GRID1: variants seen among roughly 807,000 people sequenced by gnomAD.
GRID1 encodes the protein glutamate receptor ionotropic, delta-1.
In GRID1, 28 loss-of-function variants were observed where a neutral mutation model predicts 98.0. That is an observed-to-expected ratio of 0.29 (90% CI 0.21 to 0.39). The LOEUF (loss-of-function observed/expected upper bound fraction) is 0.39, where lower values mean the gene tolerates loss of function less well. Among genes scored for constraint, GRID1 ranks in the 10% least tolerant of loss-of-function variants. The pLI is 1.00. For synonymous variants in GRID1, 553 were observed against 538.5 expected, an observed-to-expected ratio of 1.03 and a Z score of -0.37; for missense variants, 1,111 against 1,340.5, an observed-to-expected ratio of 0.83 and a Z score of 2.67.
chr10:86,244,004 A>G (rs1288520914), intron 2 of GRID1, among the ~76,000 whole-genome samples: 2 of 152,184 alleles, frequency 1.3e-5, no homozygotes, highest in Non-Finnish European at 2.9e-5. Context: ...GTGTACACAT[A>G]TATACATACA....
At chr10:86,349,721 C>G (rs1052650028) in intron 2 of GRID1, among the ~76,000 whole-genome samples, 1 of 152,158 alleles carries the variant, frequency 6.6e-6, no homozygotes, top group Non-Finnish European at 1.5e-5. Context: ...GAAAGAACAC[C>G]GGACAAGGAG....
At chr10:85,645,122 T>A (rs1319328067) in intron 13 of GRID1, among the ~76,000 whole-genome samples, 1 of 152,204 alleles carries the variant, frequency 6.6e-6, no homozygotes, top group Non-Finnish European at 1.5e-5. Flanking sequence ...TTGTAATGAA[T>A]AGAACTTTAA....
Position 86,255,830 on chromosome 10 carries a change from C to T in GRID1, c.236-49182G>A, listed in dbSNP as rs150673304. On this transcript the variant is annotated intron_variant, in intron 2 of 15. Transcript: ENST00000327946. Reference sequence around the variant, plus strand: ...ACTTGAGCAGGAGCCCCAGGGGCCTCGCCTGGGCTGCCCAGCTCCACACAC... The same window carrying T: ...ACTTGAGCAGGAGCCCCAGGGGCCTTGCCTGGGCTGCCCAGCTCCACACAC... Among the ~76,000 whole-genome samples the T allele has an allele frequency of 6.9e-4, 105 of 152,222 alleles. 1 individual carries two copies. Among genetic ancestry groups the T allele is most frequent in the African/African-American group, 2.2e-3 (90 of 41,512 alleles).
At chr10:86,058,627 C>T (rs903246206) in intron 4 of GRID1, among the ~76,000 whole-genome samples, 28 of 152,204 alleles carry the variant, frequency 1.8e-4, no homozygotes, top group African/African-American at 6.8e-4. Flanking sequence ...CAGAAACTGA[C>T]ATCTGCCAGA....
At chr10:86,253,448 G>A (rs774807878) in intron 2 of GRID1, among the ~76,000 whole-genome samples, 19 of 152,220 alleles carry the variant, frequency 1.2e-4, no homozygotes, top group Non-Finnish European at 2.6e-4. Context: ...GCTTCCTGGG[G>A]CCATCGTTCT....
rs541526831 is a variant in GRID1, at chr10:85,704,897, A to T, written c.1997+18106T>A. Reference sequence around the variant, plus strand: ...GGGTACATAACGAAAGGAAGGCAGAAATAAAGATGTTCTTTGAAACCAGTG... The same window carrying T: ...GGGTACATAACGAAAGGAAGGCAGATATAAAGATGTTCTTTGAAACCAGTG... On this transcript the variant is annotated intron_variant, in intron 12 of 15. Transcript: ENST00000327946. Among the ~76,000 whole-genome samples the T allele has an allele frequency of 1.6e-3, 247 of 152,370 alleles. 6 individuals carry two copies. The South Asian group carries it at 0.048, about 30-fold the overall frequency.
intron 8 of GRID1, among the ~76,000 whole-genome samples, chr10:85,835,657 C>A (rs1166884905): frequency 2.0e-5 from 3 of 152,172 alleles, no homozygotes. Context: ...AGTGTGAGAA[C>A]AGACTAATAC....
intron 8 of GRID1, among the ~76,000 whole-genome samples, chr10:85,732,619 T>C (rs552735444): frequency 7.1e-4 from 108 of 152,286 alleles, no homozygotes; most frequent in African/African-American, 2.5e-3. Flanking sequence ...TCAGTCCCCC[T>C]AGACCTTTGC....
rs193009016 is a variant in GRID1 at position 85,876,316 on chromosome 10, C to T, written c.781-7136G>A. Among the ~76,000 whole-genome samples the T allele has an allele frequency of 2.6e-4, 39 of 151,974 alleles. 1 individual carries two copies. The highest frequency in any genetic ancestry group is 4.7e-4 in the Non-Finnish European group (32 of 67,968). On this transcript the variant is annotated intron_variant, in intron 5 of 15. Transcript: ENST00000327946. ...CTCACTTCTTCCAGCTTCTGGTGGC[C>T]GTCAGCATTCCCTGGCTTGTAGCTG... is the stretch of plus-strand genomic sequence containing the variant.
At chr10:86,008,904 G>A (rs1057115819) in intron 4 of GRID1, among the ~76,000 whole-genome samples, 3 of 152,142 alleles carry the variant, frequency 2.0e-5, no homozygotes, top group African/African-American at 4.8e-5. Context: ...ACAGCAGGAA[G>A]CAGCACAAAA....
At chr10:86,226,822 G>A (rs958640838) in intron 2 of GRID1, among the ~76,000 whole-genome samples, 4 of 150,832 alleles carry the variant, frequency 2.7e-5, no homozygotes, top group African/African-American at 9.8e-5. Context: ...ACCAGCTGGC[G>A]GTCCTCCCTG....
intron 2 of GRID1, among the ~76,000 whole-genome samples, chr10:86,333,940 G>T (rs975925943): frequency 6.6e-6 from 1 of 152,132 alleles, no homozygotes; most frequent in Non-Finnish European, 1.5e-5. Flanking sequence ...CTGTTTAAGG[G>T]TCAACTGCAT....
chr10:86,336,731 C>A (rs1355560466), intron 2 of GRID1, among the ~76,000 whole-genome samples: 2 of 152,196 alleles, frequency 1.3e-5, no homozygotes, highest in Non-Finnish European at 2.9e-5. Context: ...GACCTGGCTC[C>A]ATGGGAACAT....
intron 2 of GRID1, among the ~76,000 whole-genome samples, chr10:86,258,769 C>T (rs1333200950): frequency 6.6e-6 from 1 of 152,072 alleles, no homozygotes. Flanking sequence ...CAATCTACTC[C>T]ACATATCCAG....
chr10:85,759,396 C>G (rs527361123), intron 8 of GRID1, among the ~76,000 whole-genome samples: 13 of 152,252 alleles, frequency 8.5e-5, no homozygotes, highest in Non-Finnish European at 1.6e-4. Context: ...TGGGAAAAGA[C>G]CTGGAGCCCC....
intron 2 of GRID1, among the ~76,000 whole-genome samples, chr10:86,359,662 T>A (rs1165456408): frequency 2.0e-5 from 3 of 152,246 alleles, no homozygotes; most frequent in Non-Finnish European, 4.4e-5. Context: ...CAGGTATATC[T>A]ACAGCATATC....
chr10:85,729,437 C>CA, intron 9 of GRID1, 76 bp downstream of exon 9: 1 of 800,756 alleles, frequency 1.2e-6, no homozygotes, highest in South Asian at 1.6e-5. Flanking sequence ...CCAAACCCAG[C>CA]ATTAAACAGA....
chr10:85,770,090 C>T (rs529223409), intron 8 of GRID1, among the ~76,000 whole-genome samples: 1 of 152,222 alleles, frequency 6.6e-6, no homozygotes, highest in Non-Finnish European at 1.5e-5. Context: ...TAGGGGCAGA[C>T]TGACACCTCA....
chr10:85,885,442 T>G (rs1371189122), intron 5 of GRID1, among the ~76,000 whole-genome samples: 1 of 152,192 alleles, frequency 6.6e-6, no homozygotes, highest in East Asian at 1.9e-4. Context: ...ATAGACTATA[T>G]TGGATTTTCA....
Sources: allele counts gnomAD v4.1 joint callset (sites outside exome capture counted in the v4.1 genomes callset), GRCh38; gene constraint gnomAD v4.1.1; transcripts MANE v1.5; gene names NCBI Gene and HGNC (gene_info 2026-07-23, HGNC 2026-07-21).